Variants in SEPTIN10 observed in about 807,000 individuals in gnomAD.
SEPTIN10 encodes the protein septin 10.
In SEPTIN10, 66 loss-of-function variants were observed where a neutral mutation model predicts 54.8. That is an observed-to-expected ratio of 1.21 (90% CI 0.99 to 1.48). The LOEUF is 1.48. Among genes scored for constraint, SEPTIN10 ranks in the 40% most tolerant of loss-of-function variants. The pLI is 0.00. For synonymous variants in SEPTIN10, 161 were observed against 181.0 expected (o/e 0.89, Z 0.89); for missense variants, 620 against 545.6 (o/e 1.14, Z -1.36).
intron 1 of SEPTIN10, among the ~76,000 whole-genome samples, chr2:109,596,291 T>A (rs1695284542): frequency 6.6e-6 from 1 of 152,134 alleles, no homozygotes; most frequent in African/African-American, 2.4e-5. Context: ...TGTTGCTTAG[T>A]GTTGATAAGT....
At chr2:109,558,001 T>C (rs1684783693) in intron 8 of SEPTIN10, among the ~76,000 whole-genome samples, 1 of 152,074 alleles carries the variant, frequency 6.6e-6, no homozygotes, top group Non-Finnish European at 1.5e-5. Flanking sequence ...CCATGTTACC[T>C]AGGCTGGTCT....
chr2:109,553,336 G>A lies in SEPTIN10; in HGVS notation c.1029-117C>T, dbSNP rs1271942541. 9 of 986,054 alleles carry A rather than the reference G, an allele frequency of 9.1e-6. No individual in the cohort carries two copies. The East Asian group carries it at 2.2e-4, about 25-fold the overall frequency. The allele number at this position is 986,054 out of a possible 1,614,324, so 61.1% of individuals were successfully genotyped here. A position where few individuals can be genotyped will look rare whatever the true frequency, so the allele number is the denominator to read the frequency against. ...GAGGCAGGTGGATCACCTAAGGTCA[G>A]GAGTCCAAGACCAGCCTGGCCAACA... On this transcript the variant is annotated intron_variant, in intron 8 of 10. Transcript: ENST00000397712.
At chr2:109,555,327 T>C (rs1032256315) in intron 8 of SEPTIN10, among the ~76,000 whole-genome samples, 2 of 152,176 alleles carry the variant, frequency 1.3e-5, no homozygotes, top group Admixed American at 6.5e-5. Flanking sequence ...ACCAACCTGT[T>C]CATTGTTCCC....
chr2:109,597,987 T>C (rs1424616194), intron 1 of SEPTIN10, among the ~76,000 whole-genome samples: 3 of 152,208 alleles, frequency 2.0e-5, no homozygotes, highest in African/African-American at 4.8e-5. Context: ...TTTCTGAAAA[T>C]GCCTTACAGC....
chr2:109,567,701 G>T, intron 6 of SEPTIN10, 114 bp downstream of exon 6: 7 of 1,074,574 alleles, frequency 6.5e-6, no homozygotes, highest in Non-Finnish European at 8.9e-6. Context: ...AATTCACCTT[G>T]TTTGAAGTCT....
intron 1 of SEPTIN10, chr2:109,605,658 T>C (rs1240909886): frequency 6.6e-6 from 1 of 152,136 alleles, no homozygotes; most frequent in Non-Finnish European, 1.5e-5. Context: ...AAAGAAAATA[T>C]ATAGCAAAAT....
Position 109,564,357 on chromosome 2 carries a change from C to G in SEPTIN10, c.1028+9G>C. On this transcript the variant is annotated intron_variant, in intron 8 of 10. Transcript: ENST00000397712. Reference sequence around the variant, plus strand: ...CTCTTTGGTTGGCTTCCCAAGAACCCCACCCTACCTGACTGGCTTGTTTTC... The same window carrying G: ...CTCTTTGGTTGGCTTCCCAAGAACCGCACCCTACCTGACTGGCTTGTTTTC... The G allele has an allele frequency of 6.5e-7, 1 of 1,528,256 alleles. No homozygotes were observed. The highest frequency in any genetic ancestry group is 1.3e-5 in the South Asian group (1 of 74,424). 94.7% of individuals were successfully genotyped at this position (1,528,256 alleles called of 1,614,324 possible). A position where few individuals can be genotyped will look rare whatever the true frequency, so the allele number is the denominator to read the frequency against.
Position 109,553,233 on chromosome 2 carries a change from T to G in SEPTIN10, c.1029-14A>C. The stretch of plus-strand genomic sequence containing the variant: ...GTCTCTTGAACACTAAAAAGTTATT[T>G]GTGTTACTCTCCTGCTAAAAAGTGA... On this transcript the variant is annotated splice_polypyrimidine_tract_variant and intron_variant, in intron 8 of 10. Coordinates refer to ENST00000397712, the MANE Select transcript of SEPTIN10 (RefSeq NM_144710.5). 1 of 1,612,754 alleles carries G rather than the reference T, an allele frequency of 6.2e-7. No individual in the cohort carries two copies. Among genetic ancestry groups the G allele is most frequent in the Non-Finnish European group, 8.5e-7 (1 of 1,179,656 alleles).
At chr2:109,582,050 CAAG>C (rs1573651973) in intron 4 of SEPTIN10, among the ~76,000 whole-genome samples, 1 of 149,752 alleles carries the variant, frequency 6.7e-6, no homozygotes, top group East Asian at 2.0e-4. Flanking sequence ...AGAGCCGTAT[CAAG>C]AACACAATGC....
intron 6 of SEPTIN10, among the ~76,000 whole-genome samples, chr2:109,567,289 C>T (rs1687255662): frequency 1.3e-5 from 2 of 152,144 alleles, no homozygotes; most frequent in South Asian, 4.1e-4. Flanking sequence ...CTACAAAACA[C>T]AACCAGGTGT....
At chr2:109,610,165 T>G (rs368746393) in intron 1 of SEPTIN10, among the ~76,000 whole-genome samples, 1 of 151,948 alleles carries the variant, frequency 6.6e-6, no homozygotes, top group Non-Finnish European at 1.5e-5. Flanking sequence ...CTCAGCTTAC[T>G]GCAACCTCCA....
intron 8 of SEPTIN10, among the ~76,000 whole-genome samples, chr2:109,554,394 C>CT (rs1236907791): frequency 4.6e-5 from 7 of 152,154 alleles, no homozygotes; most frequent in Non-Finnish European, 1.0e-4. Context: ...AATATGTATT[C>CT]ATTCATTCAT....
intron 1 of SEPTIN10, among the ~76,000 whole-genome samples, chr2:109,603,228 A>G (rs1330627222): frequency 6.6e-6 from 1 of 151,674 alleles, no homozygotes; most frequent in African/African-American, 2.4e-5. Context: ...TATTATTATC[A>G]TTATTAATAT....
Position 109,553,377 on chromosome 2 carries a change from T to C in SEPTIN10, c.1029-158A>G, listed in dbSNP as rs562599130. Among the ~76,000 whole-genome samples the C allele has an allele frequency of 4.0e-5, 6 of 151,462 alleles. 1 individual carries two copies. The highest frequency in any genetic ancestry group is 1.5e-4 in the African/African-American group (6 of 41,208). On this transcript the variant is annotated intron_variant, in intron 8 of 10. Transcript: ENST00000397712. Reference sequence around the variant, plus strand: ...CTGGCCAACATAGTGAAACCCTGTCTCTACAAAAATAAAAAAATTAGCTGG... The same window carrying C: ...CTGGCCAACATAGTGAAACCCTGTCCCTACAAAAATAAAAAAATTAGCTGG...
chr2:109,565,758 T>C lies in SEPTIN10; in HGVS notation c.859+5A>G. 1.2e-6 allele frequency: 2 copies of C among 1,611,560 alleles called. No homozygotes were observed. The highest frequency in any genetic ancestry group is 2.2e-5 in the East Asian group (1 of 44,858). ...ATATTTCTAGTCATCCTTTGTCTCATTTACCTTGTACAACACCCCAAGGGT... is the reference window on the plus strand; with the variant it reads ...ATATTTCTAGTCATCCTTTGTCTCACTTACCTTGTACAACACCCCAAGGGT... On this transcript the variant is annotated splice_donor_5th_base_variant and intron_variant, in intron 7 of 10. Coordinates refer to ENST00000397712, the MANE Select transcript of SEPTIN10 (RefSeq NM_144710.5).
chr2:109,575,217 G>A (rs563095138), intron 4 of SEPTIN10, among the ~76,000 whole-genome samples: 2 of 152,284 alleles, frequency 1.3e-5, no homozygotes, highest in South Asian at 2.1e-4. Flanking sequence ...CAGACTGCTC[G>A]AAGGGGCTGG....
intron 5 of SEPTIN10, among the ~76,000 whole-genome samples, chr2:109,570,043 G>C (rs1687999044): frequency 6.6e-6 from 1 of 151,960 alleles, no homozygotes; most frequent in South Asian, 2.1e-4. Flanking sequence ...AAAAACCTGT[G>C]TATTGCTATT....
chr2:109,575,296 C>G (rs1389519479), intron 4 of SEPTIN10, among the ~76,000 whole-genome samples: 1 of 152,192 alleles, frequency 6.6e-6, no homozygotes, highest in Non-Finnish European at 1.5e-5. Context: ...GCATAGGCAT[C>G]AATAACTCAA....
intron 5 of SEPTIN10, among the ~76,000 whole-genome samples, chr2:109,573,851 A>G (rs1471286497): frequency 1.3e-5 from 2 of 152,202 alleles, no homozygotes; most frequent in Non-Finnish European, 2.9e-5. Context: ...TGGAAATTCA[A>G]AAATAGGTTT....
Sources: allele counts gnomAD v4.1 joint callset (sites outside exome capture counted in the v4.1 genomes callset), GRCh38; gene constraint gnomAD v4.1.1; transcripts MANE v1.5; gene names NCBI Gene and HGNC (gene_info 2026-07-23, HGNC 2026-07-21).